The following KCTD16 variants were observed in gnomAD, a reference collection of about 807,000 sequenced individuals.
KCTD16 encodes the protein BTB/POZ domain-containing protein KCTD16.
Under a neutral mutation model 33.2 loss-of-function variants are expected in KCTD16, and 13 were observed. The ratio of observed to expected loss-of-function variants is 0.39; its 90% CI spans 0.25 to 0.62. KCTD16 has a LOEUF of 0.62. Ranked by LOEUF, KCTD16 falls within the 20% of genes least tolerant of loss-of-function variation. The pLI is 0.50. For missense variants in KCTD16, 441 were observed against 525.1 expected (o/e 0.84, Z 1.57); for synonymous variants, 197 against 195.3 (o/e 1.01, Z -0.07).
intron 3 of KCTD16, among the ~76,000 whole-genome samples, chr5:144,237,901 GGAAGAGTCAAAGCCA>G (rs147097851): frequency 0.018 from 2,747 of 152,190 alleles, 76 homozygotes; most frequent in African/African-American, 0.055. Context: ...TGAAGTGTGT[GGAAGAGTCAAAGCCA>G]GAACTGCATC....
intron 3 of KCTD16, among the ~76,000 whole-genome samples, chr5:144,242,284 A>G (rs1265766540): frequency 6.6e-6 from 1 of 152,112 alleles, no homozygotes; most frequent in African/African-American, 2.4e-5. Context: ...CTATAAAAAG[A>G]TGTACTTCTT....
At chr5:144,431,020 C>G (rs746742861) in intron 3 of KCTD16, among the ~76,000 whole-genome samples, 1 of 152,026 alleles carries the variant, frequency 6.6e-6, no homozygotes, top group Non-Finnish European at 1.5e-5. Flanking sequence ...TCCTGAAGAC[C>G]AAACGTATAG....
At chr5:144,450,019 A>G (rs1753905696) in intron 3 of KCTD16, among the ~76,000 whole-genome samples, 1 of 152,086 alleles carries the variant, frequency 6.6e-6, no homozygotes, top group Admixed American at 6.6e-5. Flanking sequence ...CAACCTAAAA[A>G]TGAGAGAAAA....
chr5:144,300,760 A>G (rs1045355585), intron 3 of KCTD16, among the ~76,000 whole-genome samples: 1 of 152,204 alleles, frequency 6.6e-6, no homozygotes, highest in East Asian at 1.9e-4. Flanking sequence ...AAAGGATTTC[A>G]CATTATTAAA....
intron 3 of KCTD16, among the ~76,000 whole-genome samples, chr5:144,403,475 A>G (rs1235996674): frequency 1.3e-5 from 2 of 152,036 alleles, no homozygotes; most frequent in East Asian, 1.9e-4. Flanking sequence ...GATCTGAGTG[A>G]TATGTCTACA....
chr5:144,454,026 CT>C (rs1161959780), intron 3 of KCTD16, among the ~76,000 whole-genome samples: 1 of 152,122 alleles, frequency 6.6e-6, no homozygotes, highest in Non-Finnish European at 1.5e-5. Flanking sequence ...GGTGATTAAC[CT>C]CTCAGATTTC....
At chr5:144,185,844 A>G (rs1752714757) in intron 2 of KCTD16, among the ~76,000 whole-genome samples, 1 of 152,242 alleles carries the variant, frequency 6.6e-6, no homozygotes, top group African/African-American at 2.4e-5. Flanking sequence ...TTACTATATA[A>G]TAAATGCTGT....
chr5:144,382,118 C>T (rs1752229441), intron 3 of KCTD16, among the ~76,000 whole-genome samples: 1 of 152,084 alleles, frequency 6.6e-6, no homozygotes, highest in Non-Finnish European at 1.5e-5. Context: ...TAGCTGAGGC[C>T]ATTATGCTAA....
chr5:144,465,344 A>T (rs1168531503), intron 3 of KCTD16, among the ~76,000 whole-genome samples: 1 of 151,962 alleles, frequency 6.6e-6, no homozygotes, highest in Non-Finnish European at 1.5e-5. Flanking sequence ...GAGCTTTTTA[A>T]TTCCTTTTCC....
intron 3 of KCTD16, among the ~76,000 whole-genome samples, chr5:144,299,882 A>G (rs760242344): frequency 1.3e-5 from 2 of 148,464 alleles, no homozygotes; most frequent in African/African-American, 5.0e-5. Context: ...AGATTATCTG[A>G]TTCACCAGAA....
intron 3 of KCTD16, among the ~76,000 whole-genome samples, chr5:144,383,560 A>C (rs976644005): frequency 4.6e-5 from 7 of 151,320 alleles, no homozygotes; most frequent in African/African-American, 1.7e-4. Context: ...AAAAAAAAAG[A>C]AACATTCTAA....
chr5:144,453,096 G>A (rs1422010), intron 3 of KCTD16, among the ~76,000 whole-genome samples: 3,900 of 152,226 alleles, frequency 0.026, 160 homozygotes, highest in African/African-American at 0.089. Flanking sequence ...ACATCTTGGG[G>A]CATGGTTAGG....
In KCTD16 at chr5:144,473,965, A is replaced by C. The variant is rs373514581; in HGVS notation, c.1138A>C (p.Ser380Arg). The change falls in exon 4 of 4, where the codon AGC becomes CGC. Residue 380 changes from serine (S) to arginine (R), a missense_variant. Around this residue, in one of 3 missense-constraint regions of KCTD16, gnomAD observed 355 missense variants for 413.0 expected, o/e 0.86. Coordinates refer to ENST00000512467, the MANE Select transcript of KCTD16 (RefSeq NM_020768.4). ...TSGSRESNMS[S>R]KKKAVKEKLS... ...AGGCTCCAGGGAATCGAACATGAGC[A>C]GCAAAAAAAAAGCTGTTAAAGAAAA... The C allele has an allele frequency of 1.9e-6, 3 of 1,613,952 alleles. No homozygotes were observed. The highest frequency in any genetic ancestry group is 1.3e-5 in the African/African-American group (1 of 74,910).
intron 3 of KCTD16, chr5:144,384,301 G>GGGGATAGAA (rs1752278012): frequency 1.3e-5 from 2 of 152,134 alleles, no homozygotes; most frequent in Non-Finnish European, 2.9e-5. Context: ...GCTTTGAAAA[G>GGGGATAGAA]CTGGTAAGGG....
At chr5:144,337,311 G>T (rs1433752574) in intron 3 of KCTD16, among the ~76,000 whole-genome samples, 1 of 152,064 alleles carries the variant, frequency 6.6e-6, no homozygotes, top group Non-Finnish European at 1.5e-5. Context: ...TTATCATGTT[G>T]TTTTCTAAAA....
chr5:144,334,633 A>G (rs1464751528), intron 3 of KCTD16, among the ~76,000 whole-genome samples: 1 of 152,186 alleles, frequency 6.6e-6, no homozygotes, highest in African/African-American at 2.4e-5. Context: ...TGGAAATGCT[A>G]TGGAAATTAA....
chr5:144,358,090 AT>A (rs539287370), intron 3 of KCTD16, among the ~76,000 whole-genome samples: 1,152 of 114,440 alleles, frequency 0.01, 6 homozygotes, highest in African/African-American at 0.015. Context: ...CACCCGGCTA[AT>A]TTTTTTTTTT....
At chr5:144,200,541 C>A (rs762836100) in intron 2 of KCTD16, among the ~76,000 whole-genome samples, 6 of 152,196 alleles carry the variant, frequency 3.9e-5, no homozygotes, top group Non-Finnish European at 7.3e-5. Context: ...GAAGATTTGA[C>A]AGCTGTATTT....
intron 2 of KCTD16, among the ~76,000 whole-genome samples, chr5:144,191,948 G>T (rs887296536): frequency 6.6e-6 from 1 of 151,990 alleles, no homozygotes; most frequent in Non-Finnish European, 1.5e-5. Flanking sequence ...GTAAAAGGCA[G>T]AATAATTAAT....
Sources: allele counts gnomAD v4.1 joint callset (sites outside exome capture counted in the v4.1 genomes callset), GRCh38; gene constraint gnomAD v4.1.1; regional missense constraint gnomAD v4.1.1; transcripts MANE v1.5; gene names NCBI Gene and HGNC (gene_info 2026-07-23, HGNC 2026-07-21).